PHKB: variants seen among roughly 807,000 people sequenced by gnomAD.
PHKB encodes phosphorylase kinase regulatory subunit beta.
PHKB carries 122 observed loss-of-function variants against 152.1 expected under a neutral mutation model. That is an observed-to-expected ratio of 0.80 (90% CI 0.69 to 0.93). The LOEUF is 0.93. Ranked by LOEUF, PHKB falls within the 40% of genes least tolerant of loss-of-function variation. PHKB has a pLI of 0.00. For missense variants in PHKB, 1,304 were observed against 1,328.4 expected (o/e 0.98, Z 0.29); for synonymous variants, 436 against 464.9 (o/e 0.94, Z 0.80).
chr16:47,661,609 C>A, intron 22 of PHKB, 110 bp from the exon 23 acceptor site: 1 of 742,846 alleles, frequency 1.3e-6, no homozygotes. Flanking sequence ...CCCTCAGTTA[C>A]ATAGTAAAGT....
At chr16:47,479,243 G>A (rs1597016445) in intron 1 of PHKB, among the ~76,000 whole-genome samples, 1 of 152,098 alleles carries the variant, frequency 6.6e-6, no homozygotes, top group African/African-American at 2.4e-5. Context: ...TAATAGCTTT[G>A]GATTTGTCAG....
chr16:47,693,932 G>T (rs1358105216), intron 28 of PHKB, among the ~76,000 whole-genome samples: 1 of 152,098 alleles, frequency 6.6e-6, no homozygotes, highest in Non-Finnish European at 1.5e-5. Context: ...TTAAGTGTGG[G>T]TACCCCTTCA....
chr16:47,511,887 G>C (rs1315235605), intron 5 of PHKB, 115 bp downstream of exon 5: 6 of 725,844 alleles, frequency 8.3e-6, no homozygotes, highest in Non-Finnish European at 1.5e-5. Context: ...CCACGGATGG[G>C]GTAGGGGCTA....
intron 1 of PHKB, chr16:47,463,991 C>G (rs746606400): frequency 3.1e-6 from 5 of 1,605,826 alleles, no homozygotes; most frequent in Non-Finnish European, 4.3e-6. Flanking sequence ...TTCTTAAGGT[C>G]TGGTAAGTGT....
At chr16:47,559,595 G>A (rs753419982) in intron 7 of PHKB, among the ~76,000 whole-genome samples, 17 of 152,258 alleles carry the variant, frequency 1.1e-4, no homozygotes, top group Non-Finnish European at 2.5e-4. Context: ...ACCTTGGCAG[G>A]ACCTGTCCAC....
At chr16:47,679,645 C>T (rs981850908) in intron 26 of PHKB, among the ~76,000 whole-genome samples, 1 of 152,196 alleles carries the variant, frequency 6.6e-6, no homozygotes, top group African/African-American at 2.4e-5. Context: ...GCTGAAGTTG[C>T]TTATCAGCTT....
At chr16:47,665,871 A>C (rs1284649673) in intron 25 of PHKB, 2 of 1,032,668 alleles carry the variant, frequency 1.9e-6, no homozygotes, top group South Asian at 1.3e-5. Flanking sequence ...AAGACTACCC[A>C]ATCAGGGCCC....
chr16:47,533,034 A>G (rs1970888618), intron 6 of PHKB, among the ~76,000 whole-genome samples: 1 of 152,146 alleles, frequency 6.6e-6, no homozygotes, highest in Admixed American at 6.5e-5. Context: ...GGAGGAGACC[A>G]TGGAGTGGGA....
chr16:47,558,742 T>G (rs1354608499), intron 7 of PHKB, among the ~76,000 whole-genome samples: 3 of 152,312 alleles, frequency 2.0e-5, no homozygotes, highest in Admixed American at 6.5e-5. Flanking sequence ...AGAGACAGGG[T>G]TTCGCCATGT....
At chr16:47,492,297 A>C (rs1970163399) in intron 1 of PHKB, among the ~76,000 whole-genome samples, 1 of 152,234 alleles carries the variant, frequency 6.6e-6, no homozygotes, top group Non-Finnish European at 1.5e-5. Context: ...CAGCCTCACA[A>C]ATCCTTTTTC....
rs905310369 is a variant in PHKB, at chr16:47,511,021, C to G, written c.406-644C>G. Among the ~76,000 whole-genome samples, 18 of 152,138 alleles carry G rather than the reference C, an allele frequency of 1.2e-4. No homozygotes were observed. The East Asian group carries it at 3.3e-3, about 28-fold the overall frequency. On this transcript the variant is annotated intron_variant, in intron 4 of 30. Coordinates refer to ENST00000323584, the MANE Select transcript of PHKB (RefSeq NM_000293.3). ...AGAAATGGGTGGATTTTTTGGTCCC[C>G]AGAGTTTTTCTGTTGGATTATTTAG... is the stretch of plus-strand genomic sequence containing the variant.
chr16:47,635,380 G>A (rs1972901056), intron 14 of PHKB, among the ~76,000 whole-genome samples: 1 of 152,100 alleles, frequency 6.6e-6, no homozygotes, highest in African/African-American at 2.4e-5. Context: ...ATTTAATATA[G>A]CCACCTGATT....
At chr16:47,652,016 G>A (rs920797072) in intron 20 of PHKB, among the ~76,000 whole-genome samples, 1 of 151,922 alleles carries the variant, frequency 6.6e-6, no homozygotes, top group African/African-American at 2.4e-5. Context: ...CTTTTCTGAG[G>A]ATATCAACTA....
At chr16:47,531,978 G>GT (rs1487910569) in intron 6 of PHKB, among the ~76,000 whole-genome samples, 3 of 152,082 alleles carry the variant, frequency 2.0e-5, no homozygotes. Flanking sequence ...GAAAAGAAAA[G>GT]CCAAGACTTG....
At chr16:47,532,071 C>G (rs534917429) in intron 6 of PHKB, among the ~76,000 whole-genome samples, 327 of 152,210 alleles carry the variant, frequency 2.1e-3, no homozygotes, top group Non-Finnish European at 3.9e-3. Context: ...TTAAAAAACC[C>G]TCAATTTAAA....
intron 7 of PHKB, among the ~76,000 whole-genome samples, chr16:47,552,085 C>T (rs543915268): frequency 4.6e-4 from 70 of 152,108 alleles, no homozygotes; most frequent in Non-Finnish European, 7.6e-4. Context: ...CTCCTCCATC[C>T]GTTTATTTTG....
chr16:47,562,943 T>A (rs796756906), intron 7 of PHKB, among the ~76,000 whole-genome samples: 19 of 152,282 alleles, frequency 1.2e-4, no homozygotes, highest in African/African-American at 4.6e-4. Flanking sequence ...CACAGCTGTT[T>A]ACCAGGGGTA....
intron 7 of PHKB, among the ~76,000 whole-genome samples, chr16:47,572,264 A>C (rs1971673768): frequency 6.6e-6 from 1 of 152,166 alleles, no homozygotes; most frequent in Non-Finnish European, 1.5e-5. Flanking sequence ...CCAGCAGTCA[A>C]AGGCTAGAGA....
In PHKB at chr16:47,699,645, C is replaced by T. The variant is rs140112731; in HGVS notation, c.*279C>T. 5.9e-4 allele frequency: 268 copies of T among 452,294 alleles called. 1 individual carries two copies. The highest frequency in any genetic ancestry group is 8.4e-4 in the South Asian group (37 of 43,986). The allele number at this position is 452,294 out of a possible 1,614,324, so 28.0% of individuals were successfully genotyped here. On this transcript the variant is annotated 3_prime_UTR_variant, in exon 31 of 31. Transcript: ENST00000323584. ...AATAGTTTATGAATTGAAAATTTGCCGCTGCATGTTGTATGATCAAATAGT... is the reference window on the plus strand; with the variant it reads ...AATAGTTTATGAATTGAAAATTTGCTGCTGCATGTTGTATGATCAAATAGT...
Sources: allele counts gnomAD v4.1 joint callset (sites outside exome capture counted in the v4.1 genomes callset), GRCh38; gene constraint gnomAD v4.1.1; transcripts MANE v1.5; gene names NCBI Gene and HGNC (gene_info 2026-07-23, HGNC 2026-07-21).